Variants in DNM1 observed in about 807,000 individuals in gnomAD.
The protein encoded by DNM1 is dynamin-1.
Under a neutral mutation model 104.6 loss-of-function variants are expected in DNM1, and 29 were observed. That is an observed-to-expected ratio of 0.28 (90% CI 0.21 to 0.38). The LOEUF (loss-of-function observed/expected upper bound fraction) is 0.38. Among genes scored for constraint, DNM1 ranks in the 10% least tolerant of loss-of-function variants. The pLI is 1.00. For missense variants in DNM1, 640 were observed against 1,189.4 expected (o/e 0.54, Z 6.79); for synonymous variants, 445 against 475.8 (o/e 0.94, Z 0.84).
chr9:128,254,730 TCTC>T lies in DNM1; in HGVS notation c.*17_*19del. The T allele has an allele frequency of 6.3e-7, 1 of 1,594,662 alleles. No homozygotes were observed. Among genetic ancestry groups the T allele is most frequent in the East Asian group, 2.2e-5 (1 of 44,826 alleles). On this transcript the variant is annotated 3_prime_UTR_variant, in exon 22 of 22. Coordinates refer to ENST00000372923, the MANE Select transcript of DNM1 (RefSeq NM_004408.4). The surrounding 1 kb of genome is among the most constrained non-coding windows in gnomAD (Gnocchi z 6.1). Reference sequence around the variant, plus strand: ...CGACCTCTAAACAGATCCCTCCTCTTCTCGGAGACCTCCCTTTCCAAGCCTGCC... The same window carrying T: ...CGACCTCTAAACAGATCCCTCCTCTTGGAGACCTCCCTTTCCAAGCCTGCC...
intron 19 of DNM1, among the ~76,000 whole-genome samples, chr9:128,249,899 G>A (rs1439683410): frequency 6.6e-6 from 1 of 152,114 alleles, no homozygotes; most frequent in Non-Finnish European, 1.5e-5. Context: ...TCCCCTCCCG[G>A]TTCTGTGACC....
At chr9:128,213,437 G>C (rs1209999035) in intron 1 of DNM1, among the ~76,000 whole-genome samples, 1 of 137,746 alleles carries the variant, frequency 7.3e-6, no homozygotes, top group Non-Finnish European at 1.6e-5. Context: ...AGAGGCAAAA[G>C]AGATCTATTT....
At chr9:128,211,903 G>A (rs73611672) in intron 1 of DNM1, among the ~76,000 whole-genome samples, 27,335 of 152,082 alleles carry the variant, frequency 0.18, 4,778 homozygotes, top group African/African-American at 0.45. Flanking sequence ...CTCCAACCAT[G>A]GTTAATATTA....
intron 10 of DNM1, among the ~76,000 whole-genome samples, chr9:128,227,684 T>A (rs888170348): frequency 6.6e-6 from 1 of 152,142 alleles, no homozygotes; most frequent in Non-Finnish European, 1.5e-5. Context: ...GCTCAGCCAG[T>A]CTCATGCTCT....
In DNM1 at chr9:128,253,010, G is replaced by C; in HGVS notation, c.2535-1644G>C. The C allele has an allele frequency of 7.7e-7, 1 of 1,300,220 alleles. No individual in the cohort carries two copies. Among genetic ancestry groups the C allele is most frequent in the Non-Finnish European group, 1.1e-6 (1 of 902,532 alleles). 80.5% of individuals were successfully genotyped at this position (1,300,220 alleles called of 1,614,324 possible). A position where few individuals can be genotyped will look rare whatever the true frequency, so the allele number is the denominator to read the frequency against. The stretch of plus-strand genomic sequence containing the variant: ...GGGGCCTCACAGCATGTGTGTGCAC[G>C]CCCGGGCGTGTGCGTGTGTGTGTCC... On this transcript the variant is annotated intron_variant, in intron 21 of 21. Transcript: ENST00000372923. This position sits in a 1 kb window ranked among gnomAD's most constrained non-coding sequence, Gnocchi z 5.9.
chr9:128,226,116 G>A, intron 10 of DNM1: 1 of 1,612,880 alleles, frequency 6.2e-7, no homozygotes, highest in East Asian at 2.2e-5. Context: ...CCAGTATCAA[G>A]TGTGTGGATA....
rs777251835 is a variant in DNM1 at position 128,220,124 on chromosome 9, TCCCCAC to T, written c.688+41_688+46del. On this transcript the variant is annotated intron_variant, in intron 5 of 21. Transcript: ENST00000372923. The surrounding 1 kb of genome is among the most constrained non-coding windows in gnomAD (Gnocchi z 5.2). ...TGCCCCTCAACCACTCCCCAGCCCT[TCCCCAC>T]CCTTCCCCTCCTCTTGAGGCTGGTT... 2.3e-4 allele frequency: 376 copies of T among 1,612,590 alleles called. 2 individuals carry two copies. Among genetic ancestry groups the T allele is most frequent in the Non-Finnish European group, 3.2e-4 (372 of 1,178,862 alleles).
At chr9:128,244,837 C>T (rs1836660040) in intron 15 of DNM1, 2 of 528,972 alleles carry the variant, frequency 3.8e-6, no homozygotes. Context: ...CTGGTCCATC[C>T]AGGCAGCAGT....
At chr9:128,249,821 T>C (rs1228494785) in intron 19 of DNM1, among the ~76,000 whole-genome samples, 6 of 150,350 alleles carry the variant, frequency 4.0e-5, no homozygotes, top group Non-Finnish European at 5.9e-5. Flanking sequence ...CGAGACCCTA[T>C]CTCCAGGAAG....
intron 11 of DNM1, among the ~76,000 whole-genome samples, chr9:128,236,827 G>A (rs1169913957): frequency 6.6e-6 from 1 of 152,158 alleles, no homozygotes; most frequent in Non-Finnish European, 1.5e-5. Flanking sequence ...ATTCCAGCAT[G>A]GGCAACACAG....
intron 1 of DNM1, among the ~76,000 whole-genome samples, chr9:128,216,206 A>G (rs1263416876): frequency 6.6e-6 from 1 of 152,186 alleles, no homozygotes; most frequent in East Asian, 1.9e-4. Context: ...CCCGGCACAG[A>G]CTGAATTTAA....
At chr9:128,242,180 C>G (rs1836411293) in intron 14 of DNM1, 52 bp from the exon 15 acceptor site, 1 of 1,032,670 alleles carries the variant, frequency 9.7e-7, no homozygotes, top group Admixed American at 1.8e-5. Context: ...CCCCATCCCC[C>G]ATGGGGAGGC....
In DNM1 at chr9:128,253,389, C is replaced by T. The variant is rs1390487730; in HGVS notation, c.2535-1265C>T. The T allele has an allele frequency of 9.1e-6, 5 of 548,246 alleles. No individual in the cohort carries two copies. Among genetic ancestry groups the T allele is most frequent in the South Asian group, 2.2e-5 (1 of 45,456 alleles). The allele number at this position is 548,246 out of a possible 1,614,324, so 34.0% of individuals were successfully genotyped here. A position where few individuals can be genotyped will look rare whatever the true frequency, so the allele number is the denominator to read the frequency against. On this transcript the variant is annotated intron_variant, in intron 21 of 21. Transcript: ENST00000372923. This position sits in a 1 kb window ranked among gnomAD's most constrained non-coding sequence, Gnocchi z 5.9. The stretch of plus-strand genomic sequence containing the variant: ...GCCTGGAGGCTCTTGGAACAGGCTC[C>T]GCGCCCAAGCTGGCAGACATGGGTG...
intron 21 of DNM1, chr9:128,252,513 G>A (rs1465385953): frequency 2.5e-6 from 1 of 396,428 alleles, no homozygotes; most frequent in Non-Finnish European, 4.9e-6. Context: ...GAGGTGTAGT[G>A]TGGGCTGCAA....
In DNM1 at chr9:128,218,125, G is replaced by A. The variant is rs73672447; in HGVS notation, c.162-106G>A. 0.083 allele frequency: 87,586 copies of A among 1,056,818 alleles called. 5,775 individuals are homozygous for A. Among genetic ancestry groups the A allele is most frequent in the East Asian group, 0.34 (14,276 of 42,128 alleles). 65.5% of individuals were successfully genotyped at this position (1,056,818 alleles called of 1,614,324 possible). On this transcript the variant is annotated intron_variant, in intron 1 of 21. Coordinates refer to ENST00000372923, the MANE Select transcript of DNM1 (RefSeq NM_004408.4). The surrounding 1 kb of genome is among the most constrained non-coding windows in gnomAD (Gnocchi z 4.8). Reference sequence around the variant, plus strand: ...CCTGGGCTAAGGAGCGGTGGAGCCAGCACTTTGGAAGGAGCTTTGGCTTTC... The same window carrying A: ...CCTGGGCTAAGGAGCGGTGGAGCCAACACTTTGGAAGGAGCTTTGGCTTTC...
At chr9:128,217,282 T>C (rs1426257652) in intron 1 of DNM1, among the ~76,000 whole-genome samples, 1 of 152,218 alleles carries the variant, frequency 6.6e-6, no homozygotes, top group Non-Finnish European at 1.5e-5. Flanking sequence ...CTGTGCAACC[T>C]GAATGTCTCT....
chr9:128,254,912 TTCTATAAATA>T lies in DNM1; in HGVS notation c.*209_*218del. On this transcript the variant is annotated 3_prime_UTR_variant, in exon 22 of 22. Transcript: ENST00000372923. This position sits in a 1 kb window ranked among gnomAD's most constrained non-coding sequence, Gnocchi z 6.1. ...CCTTCTGTGGTATGCCCTTGCCCTG[TTCTATAAATA>T]TCTATAAATACTCATATATATACAC... 1 of 565,792 alleles carries T rather than the reference TTCTATAAATA, an allele frequency of 1.8e-6. No homozygotes were observed. The highest frequency in any genetic ancestry group is 3.3e-5 in the Admixed American group (1 of 30,396). 35.0% of individuals were successfully genotyped at this position (565,792 alleles called of 1,614,324 possible). A position where few individuals can be genotyped will look rare whatever the true frequency, so the allele number is the denominator to read the frequency against.
intron 1 of DNM1, among the ~76,000 whole-genome samples, chr9:128,214,024 AC>A (rs919788586): frequency 2.0e-5 from 3 of 151,758 alleles, no homozygotes; most frequent in Non-Finnish European, 4.4e-5. Flanking sequence ...CCTTGCAGGC[AC>A]CCCAACTCCC....
chr9:128,205,545 G>A (rs3003570), intron 1 of DNM1, among the ~76,000 whole-genome samples: 126,981 of 152,120 alleles, frequency 0.83, 54,445 homozygotes, highest in Non-Finnish European at 0.94. Context: ...TAATCTCGAC[G>A]CTGCACATCC....
Sources: gnomAD v4.1 joint callset for allele counts (sites outside exome capture counted in the v4.1 genomes callset) on GRCh38, gnomAD v4.1.1 for gene constraint, Gnocchi (gnomAD v3.1) non-coding constraint, MANE v1.5 for transcripts, NCBI Gene and HGNC (gene_info 2026-07-23, HGNC 2026-07-21) for gene names.